SLC25A21: variants seen among roughly 807,000 people sequenced by gnomAD.
The protein encoded by SLC25A21 is mitochondrial 2-oxodicarboxylate carrier.
A neutral mutation model predicts 43.8 loss-of-function variants in SLC25A21; 47 were observed. That is an observed-to-expected ratio of 1.07 (90% CI 0.85 to 1.37). SLC25A21 has a LOEUF of 1.37. Ranked by LOEUF, SLC25A21 falls within the 40% of genes most tolerant of loss-of-function variation. The pLI, the probability that SLC25A21 is intolerant of heterozygous loss-of-function variation, is 0.00. For synonymous variants in SLC25A21, 131 were observed against 121.3 expected (o/e 1.08, Z -0.52); for missense variants, 352 against 350.2 (o/e 1.00, Z -0.04).
chr14:37,094,027 C>T (rs1962639346), intron 1 of SLC25A21, among the ~76,000 whole-genome samples: 1 of 152,140 alleles, frequency 6.6e-6, no homozygotes. Flanking sequence ...TAGCAAATAG[C>T]ATAAATGGGT....
intron 1 of SLC25A21, among the ~76,000 whole-genome samples, chr14:36,877,452 G>C (rs1322433640): frequency 3.3e-5 from 5 of 152,202 alleles, no homozygotes; most frequent in Admixed American, 1.3e-4. Flanking sequence ...AATCCCCTAT[G>C]ATGGTCCCCT....
chr14:36,968,033 C>T (rs543437339), intron 1 of SLC25A21, among the ~76,000 whole-genome samples: 1 of 152,226 alleles, frequency 6.6e-6, no homozygotes, highest in Admixed American at 6.5e-5. Flanking sequence ...AAGAGAGCAG[C>T]AGTTAAGAAA....
intron 1 of SLC25A21, among the ~76,000 whole-genome samples, chr14:37,015,313 T>A (rs1181992294): frequency 8.6e-5 from 13 of 150,772 alleles, no homozygotes; most frequent in Non-Finnish European, 8.8e-5. Flanking sequence ...GTCCTTGTGA[T>A]AGTTTGCTGA....
chr14:37,042,190 T>A (rs538845292), intron 1 of SLC25A21, among the ~76,000 whole-genome samples: 1 of 152,170 alleles, frequency 6.6e-6, no homozygotes, highest in South Asian at 2.1e-4. Flanking sequence ...GAGGGCAGAA[T>A]GTGAAAATTT....
intron 5 of SLC25A21, among the ~76,000 whole-genome samples, chr14:36,726,011 G>A (rs1169245826): frequency 6.6e-6 from 1 of 152,132 alleles, no homozygotes; most frequent in Non-Finnish European, 1.5e-5. Flanking sequence ...ACAATTAAGA[G>A]AATTTGAATT....
chr14:37,145,442 TACACAC>T (rs779746223), intron 1 of SLC25A21, among the ~76,000 whole-genome samples: 170 of 145,350 alleles, frequency 1.2e-3, no homozygotes, highest in African/African-American at 3.7e-3. Flanking sequence ...AATACTAAAA[TACACAC>T]ACACACACAC....
intron 1 of SLC25A21, among the ~76,000 whole-genome samples, chr14:36,964,308 C>T (rs1431191724): frequency 4.6e-5 from 7 of 152,152 alleles, no homozygotes; most frequent in African/African-American, 1.7e-4. Flanking sequence ...TCAGCAAACC[C>T]TTTTTGTATA....
At chr14:37,141,152 GA>G (rs147902935) in intron 1 of SLC25A21, among the ~76,000 whole-genome samples, 3 of 150,132 alleles carry the variant, frequency 2.0e-5, no homozygotes, top group Non-Finnish European at 3.0e-5. Flanking sequence ...CTCAAAAAAA[GA>G]AAAAAAAATC....
At chr14:36,879,834 CAA>C (rs1240051992) in intron 1 of SLC25A21, among the ~76,000 whole-genome samples, 1 of 151,514 alleles carries the variant, frequency 6.6e-6, no homozygotes, top group Non-Finnish European at 1.5e-5. Context: ...AAAAAAAGTA[CAA>C]ACATTGTCAC....
intron 1 of SLC25A21, among the ~76,000 whole-genome samples, chr14:37,075,628 G>GA (rs1188663753): frequency 2.0e-5 from 3 of 151,960 alleles, no homozygotes; most frequent in Non-Finnish European, 4.4e-5. Context: ...TATGTATGCA[G>GA]AAAAAAAGAC....
chr14:36,794,713 G>A (rs1887615747), intron 3 of SLC25A21, among the ~76,000 whole-genome samples: 2 of 150,698 alleles, frequency 1.3e-5, no homozygotes, highest in Admixed American at 1.3e-4. Flanking sequence ...AGGTTGCAGT[G>A]AGCTGAGATC....
intron 1 of SLC25A21, among the ~76,000 whole-genome samples, chr14:37,147,256 A>T (rs575994657): frequency 9.2e-5 from 14 of 152,254 alleles, no homozygotes; most frequent in Admixed American, 6.5e-4. Context: ...TACATTTCAC[A>T]TAGTAATTCT....
At chr14:36,765,535 G>A (rs1380963088) in intron 3 of SLC25A21, among the ~76,000 whole-genome samples, 1 of 152,220 alleles carries the variant, frequency 6.6e-6, no homozygotes, top group African/African-American at 2.4e-5. Context: ...ATGGTTGCCA[G>A]AGAGAGAAGC....
chr14:36,918,988 TAGACA>T (rs1420229662), intron 1 of SLC25A21, among the ~76,000 whole-genome samples: 1 of 152,018 alleles, frequency 6.6e-6, no homozygotes, highest in Admixed American at 6.6e-5. Context: ...CAGAGGGAAT[TAGACA>T]GTAAATAGAG....
At chr14:36,921,360 A>AC (rs2138624692) in intron 1 of SLC25A21, among the ~76,000 whole-genome samples, 1 of 152,314 alleles carries the variant, frequency 6.6e-6, no homozygotes, top group African/African-American at 2.4e-5. Flanking sequence ...CATAAAAGGC[A>AC]CATCCTGGGC....
At chr14:36,944,341 A>G (rs1427183218) in intron 1 of SLC25A21, among the ~76,000 whole-genome samples, 1 of 152,186 alleles carries the variant, frequency 6.6e-6, no homozygotes, top group East Asian at 1.9e-4. Flanking sequence ...ATGGGAGTCC[A>G]GAGGAAGAAA....
chr14:36,738,949 T>C (rs1425109226), intron 3 of SLC25A21, among the ~76,000 whole-genome samples: 1 of 152,216 alleles, frequency 6.6e-6, no homozygotes, highest in African/African-American at 2.4e-5. Flanking sequence ...TCCTTTAAAG[T>C]ATTTATAATT....
At chr14:37,052,986 G>T (rs1164105191) in intron 1 of SLC25A21, among the ~76,000 whole-genome samples, 2 of 152,158 alleles carry the variant, frequency 1.3e-5, no homozygotes, top group Non-Finnish European at 2.9e-5. Context: ...AATCTAAGAA[G>T]ATTTCAATAT....
chr14:36,686,486 C>G (rs1467840921), intron 7 of SLC25A21, among the ~76,000 whole-genome samples: 2 of 152,174 alleles, frequency 1.3e-5, no homozygotes, highest in Non-Finnish European at 2.9e-5. Flanking sequence ...TGATGAGTCA[C>G]TGAATCACCC....
Sources: gnomAD v4.1 joint callset for allele counts (sites outside exome capture counted in the v4.1 genomes callset) on GRCh38, gnomAD v4.1.1 for gene constraint, MANE v1.5 for transcripts, NCBI Gene and HGNC (gene_info 2026-07-23, HGNC 2026-07-21) for gene names.